The following NNT variants were observed in gnomAD, a reference collection of about 807,000 sequenced individuals.
The protein encoded by NNT is NAD(P) transhydrogenase, mitochondrial.
In NNT, 50 loss-of-function variants were observed where a neutral mutation model predicts 104.8. The observed-to-expected ratio is 0.48, with a 90% CI of 0.38 to 0.60. The LOEUF (loss-of-function observed/expected upper bound fraction) is 0.60, where lower values mean the gene tolerates loss of function less well. Ranked by LOEUF, NNT falls within the 20% of genes least tolerant of loss-of-function variation. The pLI is 0.00. For missense variants in NNT, 1,131 were observed against 1,330.7 expected, an observed-to-expected ratio of 0.85 and a Z score of 2.33; for synonymous variants, 461 against 490.4, an observed-to-expected ratio of 0.94 and a Z score of 0.79.
intron 2 of NNT, 127 bp from the exon 3 acceptor site, chr5:43,612,781 C>G (rs938015855): frequency 1.6e-6 from 1 of 639,152 alleles, no homozygotes; most frequent in South Asian, 2.0e-5. Context: ...TTCTGAACAG[C>G]AGCTTGCATG....
At chr5:43,608,933 G>A (rs1749360398) in intron 1 of NNT, among the ~76,000 whole-genome samples, 2 of 152,094 alleles carry the variant, frequency 1.3e-5, no homozygotes, top group Non-Finnish European at 2.9e-5. Context: ...GTGGGAAAAT[G>A]GATTCCAAGT....
At position 43,644,236 on chromosome 5, in the gene NNT, A is replaced by G; in HGVS notation, c.1009A>G (p.Met337Val). 1.2e-6 allele frequency: 2 copies of G among 1,612,650 alleles called. No individual in the cohort carries two copies. The highest frequency in any genetic ancestry group is 1.7e-6 in the Non-Finnish European group (2 of 1,179,494). The change falls in exon 8 of 22, where the codon ATG becomes GTG. Residue 337 changes from methionine (M) to valine (V), a missense_variant. By Grantham distance (21) the Met-to-Val change is conservative. Transcript: ENST00000344920. Reference sequence around the variant, plus strand: ...ATTTAATAAAGAAATGATTGAGTCAATGAAGGAAGGTTCAGTTGTTGTGGA... The same window carrying G: ...ATTTAATAAAGAAATGATTGAGTCAGTGAAGGAAGGTTCAGTTGTTGTGGA... ...VLFNKEMIES[M>V]KEGSVVVDLA...
At chr5:43,700,757 G>C (rs897699990) in intron 20 of NNT, among the ~76,000 whole-genome samples, 12 of 152,208 alleles carry the variant, frequency 7.9e-5, no homozygotes, top group African/African-American at 2.9e-4. Context: ...AGCTGTCATA[G>C]GGTAGATGTT....
intron 10 of NNT, among the ~76,000 whole-genome samples, chr5:43,648,665 T>C (rs1373358251): frequency 6.6e-6 from 1 of 152,136 alleles, no homozygotes; most frequent in Non-Finnish European, 1.5e-5. Context: ...CTTCCTACTC[T>C]TTTAAAACCC....
In NNT at chr5:43,656,810, C is replaced by T; in HGVS notation, c.2451C>T (p.Val817=). The T allele has an allele frequency of 6.2e-7, 1 of 1,609,288 alleles. No homozygotes were observed. The highest frequency in any genetic ancestry group is 8.5e-7 in the Non-Finnish European group (1 of 1,178,678). ...GTTCAGTGTCTGCTCTCTCTGCTGT[C>T]ATGGTAAGAAGTCAGAGATTGAAAA... ...CLGSVSALSA[V]MGVTLTAAIG... Residue 817 remains valine (V), a synonymous_variant, in exon 16 of 22, where the codon GTC becomes GTT. Coordinates refer to ENST00000344920, the MANE Select transcript of NNT (RefSeq NM_182977.3).
chr5:43,642,528 G>A (rs1311985768), intron 7 of NNT, among the ~76,000 whole-genome samples: 1 of 152,178 alleles, frequency 6.6e-6, no homozygotes, highest in Non-Finnish European at 1.5e-5. Flanking sequence ...TGGGCAAAAT[G>A]TCTCTTGATT....
At chr5:43,605,829 A>C (rs1749194293) in intron 1 of NNT, among the ~76,000 whole-genome samples, 1 of 152,146 alleles carries the variant, frequency 6.6e-6, no homozygotes, top group Non-Finnish European at 1.5e-5. Flanking sequence ...GTATGTTCAC[A>C]GTTGAATCAA....
intron 5 of NNT, among the ~76,000 whole-genome samples, chr5:43,622,990 G>A (rs1195000628): frequency 2.7e-5 from 4 of 150,450 alleles, no homozygotes; most frequent in East Asian, 2.0e-4. Context: ...TGGAGCTTCT[G>A]TGTGGAAGAG....
intron 7 of NNT, among the ~76,000 whole-genome samples, chr5:43,638,615 G>C (rs1412825679): frequency 6.7e-6 from 1 of 150,190 alleles, no homozygotes; most frequent in East Asian, 1.9e-4. Flanking sequence ...TTATTTATTT[G>C]CTACTGTGGA....
At chr5:43,616,955 CAG>C in intron 4 of NNT, among the ~76,000 whole-genome samples, 1 of 152,176 alleles carries the variant, frequency 6.6e-6, no homozygotes, top group African/African-American at 2.4e-5. Context: ...TTTAAAAAAA[CAG>C]TGCATAAAAA....
intron 19 of NNT, among the ~76,000 whole-genome samples, chr5:43,678,263 G>A (rs1342706457): frequency 6.6e-6 from 1 of 152,138 alleles, no homozygotes; most frequent in African/African-American, 2.4e-5. Flanking sequence ...GACCCTCTCA[G>A]CTCAAACCCA....
At chr5:43,606,019 A>G (rs898281645) in intron 1 of NNT, among the ~76,000 whole-genome samples, 10 of 152,252 alleles carry the variant, frequency 6.6e-5, no homozygotes, top group South Asian at 4.1e-4. Context: ...TCATCTAATC[A>G]TAAAATTTCT....
At chr5:43,670,979 C>T (rs1741040690) in intron 17 of NNT, among the ~76,000 whole-genome samples, 1 of 152,166 alleles carries the variant, frequency 6.6e-6, no homozygotes, top group Non-Finnish European at 1.5e-5. Flanking sequence ...GTATTGGGTG[C>T]ATATATATTT....
chr5:43,608,833 T>G (rs921034988), intron 1 of NNT, among the ~76,000 whole-genome samples: 20 of 152,256 alleles, frequency 1.3e-4, no homozygotes, highest in Admixed American at 1.3e-3. Context: ...AATATGTGTG[T>G]GTATTAAAGC....
At chr5:43,643,163 C>T (rs1290704251) in intron 7 of NNT, among the ~76,000 whole-genome samples, 2 of 152,160 alleles carry the variant, frequency 1.3e-5, no homozygotes, top group African/African-American at 4.8e-5. Context: ...AGTGATCCTC[C>T]CCACCTCAGC....
intron 17 of NNT, among the ~76,000 whole-genome samples, chr5:43,661,352 C>T (rs2111978654): frequency 6.6e-6 from 1 of 152,166 alleles, no homozygotes; most frequent in East Asian, 1.9e-4. Context: ...AGCAGATTTT[C>T]ATTATTACTT....
intron 10 of NNT, among the ~76,000 whole-genome samples, chr5:43,646,519 G>A (rs1409924843): frequency 3.4e-5 from 5 of 147,120 alleles, no homozygotes; most frequent in Admixed American, 1.4e-4. Context: ...GGCTGGTCTT[G>A]AACTCCTGAG....
Position 43,644,648 on chromosome 5 carries a change from G to A in NNT, c.1136G>A (p.Arg379Gln), listed in dbSNP as rs766059777. Residue 379 changes from arginine to glutamine, a missense_variant, in exon 9 of 22, where the codon CGA becomes CAA. Arg to Gln is a conservative substitution (Grantham distance 43). Coordinates refer to ENST00000344920, the MANE Select transcript of NNT (RefSeq NM_182977.3). The part of the protein sequence containing the change: ...THIGYTDLPS[R>Q]MATQASTLYS... ...ATAGGCTACACAGACCTGCCCAGCC[G>A]AATGGCCACTCAGGCCAGCACCCTA... is the stretch of plus-strand genomic sequence containing the variant. The A allele has an allele frequency of 4.8e-5, 78 of 1,613,886 alleles. No homozygotes were observed. Among genetic ancestry groups the A allele is most frequent in the Admixed American group, 6.7e-5 (4 of 59,994 alleles).
intron 19 of NNT, among the ~76,000 whole-genome samples, chr5:43,691,540 A>G (rs1393323032): frequency 1.3e-5 from 2 of 152,182 alleles, no homozygotes; most frequent in Non-Finnish European, 2.9e-5. Context: ...TTAGTCAGTG[A>G]TAGAAGAGTA....
Sources: gnomAD v4.1 joint callset for allele counts (sites outside exome capture counted in the v4.1 genomes callset) on GRCh38, gnomAD v4.1.1 for gene constraint, MANE v1.5 for transcripts, NCBI Gene and HGNC (gene_info 2026-07-23, HGNC 2026-07-21) for gene names.